Variants in CDH8 observed in about 807,000 individuals in gnomAD.
CDH8 encodes the protein cadherin 8.
A neutral mutation model predicts 68.1 loss-of-function variants in CDH8; 17 were observed. That is an observed-to-expected ratio of 0.25 (90% confidence interval 0.17 to 0.37). CDH8 has a LOEUF of 0.37. Among genes scored for constraint, CDH8 ranks in the 10% least tolerant of loss-of-function variants. The pLI, the probability that CDH8 is intolerant of heterozygous loss-of-function variation, is 1.00. For synonymous variants in CDH8, 372 were observed against 365.1 expected (o/e 1.02, Z -0.21); for missense variants, 763 against 999.3 (o/e 0.76, Z 3.19).
chr16:61,661,073 C>A (rs574916934), intron 10 of CDH8, among the ~76,000 whole-genome samples: 1 of 151,776 alleles, frequency 6.6e-6, no homozygotes. Flanking sequence ...AACTGTTTTA[C>A]AAAGCAATTG....
At chr16:61,924,173 G>T (rs2143426954) in intron 2 of CDH8, among the ~76,000 whole-genome samples, 1 of 152,158 alleles carries the variant, frequency 6.6e-6, no homozygotes, top group South Asian at 2.1e-4. Context: ...AAGTGGGATG[G>T]TATTATTTGG....
chr16:61,885,328 A>G lies in CDH8; in HGVS notation c.547+15851T>C, dbSNP rs180834329. On this transcript the variant is annotated intron_variant, in intron 3 of 11. Coordinates refer to ENST00000577390, the MANE Select transcript of CDH8 (RefSeq NM_001796.5). Reference sequence around the variant, plus strand: ...GATATATGCATTTTACTGTATGGCTATTAAACTTGAATGCAGAATTTAAAA... The same window carrying G: ...GATATATGCATTTTACTGTATGGCTGTTAAACTTGAATGCAGAATTTAAAA... Among the ~76,000 whole-genome samples, 6 of 152,338 alleles carry G rather than the reference A, an allele frequency of 3.9e-5. No homozygotes were observed. In the East Asian group the frequency reaches 5.8e-4, roughly 15 times the overall value.
intron 10 of CDH8, among the ~76,000 whole-genome samples, chr16:61,677,450 CTCAGATTTCTGCCATT>C (rs918522175): frequency 2.0e-5 from 3 of 152,034 alleles, no homozygotes; most frequent in African/African-American, 7.2e-5. Flanking sequence ...AAGTCCCCAA[CTCAGATTTCTGCCATT>C]CCAGGTCCTC....
chr16:62,016,192 C>A (rs557022964), intron 2 of CDH8, among the ~76,000 whole-genome samples: 1 of 152,258 alleles, frequency 6.6e-6, no homozygotes, highest in East Asian at 1.9e-4. Flanking sequence ...TTCAAGAGAA[C>A]CACATTCCTT....
intron 3 of CDH8, among the ~76,000 whole-genome samples, chr16:61,884,126 T>G (rs774113169): frequency 5.9e-4 from 90 of 152,110 alleles, no homozygotes; most frequent in Non-Finnish European, 1.5e-4. Context: ...AGCCTTAACT[T>G]GAAAGTTCCC....
intron 3 of CDH8, among the ~76,000 whole-genome samples, chr16:61,899,396 G>A (rs1163316688): frequency 6.6e-6 from 1 of 152,152 alleles, no homozygotes; most frequent in African/African-American, 2.4e-5. Flanking sequence ...CAGACCAATG[G>A]GGCAAGGCAT....
At chr16:61,850,497 C>A (rs1483426798) in intron 4 of CDH8, among the ~76,000 whole-genome samples, 2 of 151,990 alleles carry the variant, frequency 1.3e-5, no homozygotes, top group African/African-American at 2.4e-5. Flanking sequence ...AGTGAAAGCA[C>A]ACATTCAAAG....
At chr16:61,995,196 T>G (rs1335178416) in intron 2 of CDH8, among the ~76,000 whole-genome samples, 3 of 152,196 alleles carry the variant, frequency 2.0e-5, no homozygotes. Flanking sequence ...GATAGAAGAT[T>G]ATAAATTAGA....
chr16:61,979,756 G>T (rs1039578438), intron 2 of CDH8, among the ~76,000 whole-genome samples: 1 of 151,814 alleles, frequency 6.6e-6, no homozygotes, highest in African/African-American at 2.4e-5. Flanking sequence ...AATAAGACAT[G>T]ACATTCAACC....
chr16:61,658,572 T>C (rs1379512062), intron 10 of CDH8, among the ~76,000 whole-genome samples: 2 of 152,032 alleles, frequency 1.3e-5, no homozygotes, highest in Admixed American at 6.5e-5. Context: ...TTTTAAGAGG[T>C]CTTTATTCTG....
Position 61,812,791 on chromosome 16 carries a change from G to A in CDH8, c.1277+4688C>T, listed in dbSNP as rs181325117. ...TCAAGAATCCATAATCTAGAAGAGC[G>A]TGCATAGGTATAGTGGCCAATGATA... On this transcript the variant is annotated intron_variant, in intron 7 of 11. Coordinates refer to ENST00000577390, the MANE Select transcript of CDH8 (RefSeq NM_001796.5). 2.7e-3 allele frequency among the ~76,000 whole-genome samples: 414 copies of A among 152,280 alleles called. 3 individuals carry two copies. The highest frequency in any genetic ancestry group is 0.01 in the South Asian group (49 of 4,820).
chr16:61,983,236 C>T (rs910629536), intron 2 of CDH8, among the ~76,000 whole-genome samples: 2 of 152,196 alleles, frequency 1.3e-5, no homozygotes, highest in East Asian at 3.9e-4. Flanking sequence ...TTGCTTTTGG[C>T]TCAACTCTCT....
At chr16:61,992,619 A>C (rs938952365) in intron 2 of CDH8, among the ~76,000 whole-genome samples, 1 of 143,834 alleles carries the variant, frequency 7.0e-6, no homozygotes, top group Non-Finnish European at 1.5e-5. Context: ...TGGTTCAGAG[A>C]ATAAAAAATT....
chr16:61,808,267 T>A (rs1961848392), intron 7 of CDH8, among the ~76,000 whole-genome samples: 1 of 151,940 alleles, frequency 6.6e-6, no homozygotes, highest in Non-Finnish European at 1.5e-5. Flanking sequence ...GGACTAGGGT[T>A]TGGCTAAGGC....
chr16:61,992,788 T>G (rs181646575), intron 2 of CDH8, among the ~76,000 whole-genome samples: 2 of 152,170 alleles, frequency 1.3e-5, no homozygotes, highest in East Asian at 1.9e-4. Context: ...TTTTTTCTTC[T>G]TTTTTGCTTT....
chr16:62,021,087 C>A, intron 2 of CDH8, 65 bp downstream of exon 2: 1 of 1,356,588 alleles, frequency 7.4e-7, no homozygotes, highest in Non-Finnish European at 1.0e-6. Flanking sequence ...TAAAAAGAGT[C>A]TGGTATTAAA....
intron 2 of CDH8, among the ~76,000 whole-genome samples, chr16:61,913,950 T>C (rs1964199194): frequency 6.6e-6 from 1 of 152,160 alleles, no homozygotes; most frequent in Non-Finnish European, 1.5e-5. Flanking sequence ...CAATAACTCA[T>C]AACATAACAG....
At chr16:61,737,703 T>C (rs1019664987) in intron 8 of CDH8, among the ~76,000 whole-genome samples, 7 of 152,172 alleles carry the variant, frequency 4.6e-5, no homozygotes, top group African/African-American at 1.4e-4. Flanking sequence ...AGGGTAGCCA[T>C]GCTTCTGGGG....
intron 6 of CDH8, among the ~76,000 whole-genome samples, chr16:61,819,375 C>A (rs1290134701): frequency 6.6e-6 from 1 of 151,818 alleles, no homozygotes; most frequent in Admixed American, 6.6e-5. Context: ...TATAACAGCA[C>A]TTTATGGCAA....
Sources: allele counts gnomAD v4.1 joint callset (sites outside exome capture counted in the v4.1 genomes callset), GRCh38; gene constraint gnomAD v4.1.1; transcripts MANE v1.5; gene names NCBI Gene and HGNC (gene_info 2026-07-23, HGNC 2026-07-21).